Variants in SNTG2 observed in about 807,000 individuals in gnomAD.
SNTG2 encodes syntrophin gamma 2.
Under a neutral mutation model 70.9 loss-of-function variants are expected in SNTG2, and 74 were observed. The observed-to-expected ratio is 1.04, with a 90% CI of 0.86 to 1.27. The LOEUF is 1.27. Ranked by LOEUF, SNTG2 falls within the 50% of genes most tolerant of loss-of-function variation. SNTG2 has a pLI of 0.00. For synonymous variants in SNTG2, 278 were observed against 273.8 expected (o/e 1.02, Z -0.15); for missense variants, 717 against 690.7 (o/e 1.04, Z -0.43).
At chr2:1,127,351 G>A (rs1190760147) in intron 4 of SNTG2, among the ~76,000 whole-genome samples, 1 of 151,916 alleles carries the variant, frequency 6.6e-6, no homozygotes, top group Non-Finnish European at 1.5e-5. Flanking sequence ...ACGTTGCTTT[G>A]GTTACTATAG....
At chr2:1,065,086 C>T (rs115347362) in intron 1 of SNTG2, among the ~76,000 whole-genome samples, 5 of 152,122 alleles carry the variant, frequency 3.3e-5, no homozygotes, top group Admixed American at 6.5e-5. Context: ...GTTGGTTACA[C>T]GTCAGCTGGA....
chr2:1,358,709 G>A (rs9751777), intron 16 of SNTG2, among the ~76,000 whole-genome samples: 109,715 of 152,016 alleles, frequency 0.72, 39,894 homozygotes, highest in East Asian at 0.94. Context: ...TGTAGTTGAA[G>A]AAGATACTAG....
chr2:1,168,218 AGGCCGCCC>A (rs1670878124), intron 7 of SNTG2, among the ~76,000 whole-genome samples: 1 of 128,308 alleles, frequency 7.8e-6, no homozygotes. Flanking sequence ...TGAAGCCTAC[AGGCCGCCC>A]ACAGACGGCA....
chr2:1,234,998 G>A (rs796814453), intron 9 of SNTG2, among the ~76,000 whole-genome samples: 22 of 152,232 alleles, frequency 1.4e-4, no homozygotes, highest in African/African-American at 5.1e-4. Flanking sequence ...TCCCTGAGAA[G>A]ACACTGTCGT....
intron 4 of SNTG2, among the ~76,000 whole-genome samples, chr2:1,137,273 C>A (rs1351851687): frequency 2.6e-5 from 4 of 151,934 alleles, no homozygotes; most frequent in Non-Finnish European, 4.4e-5. Flanking sequence ...ATGCCGCCCA[C>A]ACCCACGCAT....
chr2:1,315,057 C>T (rs1429305674), intron 15 of SNTG2, among the ~76,000 whole-genome samples: 1 of 152,182 alleles, frequency 6.6e-6, no homozygotes, highest in Non-Finnish European at 1.5e-5. Context: ...TATTCTCTTT[C>T]TAGATAGTGT....
chr2:1,126,362 A>G (rs1442085584), intron 4 of SNTG2, among the ~76,000 whole-genome samples: 1 of 152,210 alleles, frequency 6.6e-6, no homozygotes. Context: ...TATATACACC[A>G]CGTTGTCTTT....
intron 15 of SNTG2, among the ~76,000 whole-genome samples, chr2:1,314,917 G>A (rs1156287592): frequency 6.6e-6 from 1 of 152,116 alleles, no homozygotes; most frequent in African/African-American, 2.4e-5. Context: ...AACAGCATGG[G>A]AAAGACCTGC....
At chr2:1,025,978 C>CCCAGGA (rs1426928916) in intron 1 of SNTG2, among the ~76,000 whole-genome samples, 1 of 152,140 alleles carries the variant, frequency 6.6e-6, no homozygotes, top group East Asian at 1.9e-4. Flanking sequence ...AGTTGTTAAG[C>CCCAGGA]CCAGGAGTTT....
chr2:1,008,781 T>G (rs1659642834), intron 1 of SNTG2, among the ~76,000 whole-genome samples: 1 of 152,190 alleles, frequency 6.6e-6, no homozygotes, highest in Non-Finnish European at 1.5e-5. Flanking sequence ...TCCATAAAAA[T>G]AAATACAAGT....
chr2:1,067,426 C>A (rs1483274910), intron 1 of SNTG2, among the ~76,000 whole-genome samples: 5 of 152,214 alleles, frequency 3.3e-5, no homozygotes, highest in African/African-American at 1.2e-4. Context: ...ACTTATGCTT[C>A]TGTGGAACTA....
intron 1 of SNTG2, among the ~76,000 whole-genome samples, chr2:1,071,465 C>T (rs2148137964): frequency 7.6e-6 from 1 of 132,348 alleles, no homozygotes; most frequent in East Asian, 2.3e-4. Context: ...ATCACATGGA[C>T]ACAGGAAGGG....
intron 4 of SNTG2, among the ~76,000 whole-genome samples, chr2:1,136,243 G>T (rs150734162): frequency 4.4e-4 from 67 of 152,008 alleles, no homozygotes; most frequent in African/African-American, 1.4e-3. Flanking sequence ...ATGTTTTCAG[G>T]ATGCAGCCTA....
intron 12 of SNTG2, among the ~76,000 whole-genome samples, chr2:1,255,907 AATATATAT>A (rs1221270238): frequency 1.6e-5 from 1 of 64,376 alleles, no homozygotes; most frequent in Non-Finnish European, 2.8e-5. Context: ...TATATATATA[AATATATAT>A]ATAAATATAT....
intron 12 of SNTG2, among the ~76,000 whole-genome samples, chr2:1,257,917 A>G (rs1391801974): frequency 2.0e-5 from 3 of 152,242 alleles, no homozygotes; most frequent in Admixed American, 1.3e-4. Context: ...CAACAAGTAA[A>G]CTTGGGAAGA....
chr2:1,320,806 T>C (rs1572978272), intron 16 of SNTG2, among the ~76,000 whole-genome samples: 1 of 152,210 alleles, frequency 6.6e-6, no homozygotes, highest in African/African-American at 2.4e-5. Context: ...AGACATAGCT[T>C]GGCGCTCACT....
chr2:1,112,052 C>T (rs1396828581), intron 4 of SNTG2, among the ~76,000 whole-genome samples: 2 of 147,426 alleles, frequency 1.4e-5, no homozygotes, highest in African/African-American at 5.0e-5. Flanking sequence ...AGGTTTTACC[C>T]TTACAGTCCT....
chr2:1,204,614 A>G (rs1306717530), intron 8 of SNTG2, among the ~76,000 whole-genome samples: 1 of 152,202 alleles, frequency 6.6e-6, no homozygotes, highest in Non-Finnish European at 1.5e-5. Context: ...CCCTTATCAC[A>G]AGGAGACGGA....
intron 16 of SNTG2, among the ~76,000 whole-genome samples, chr2:1,331,170 GCA>G (rs1402497141): frequency 2.0e-5 from 3 of 152,222 alleles, no homozygotes; most frequent in Non-Finnish European, 4.4e-5. Flanking sequence ...ATCCCCTAGA[GCA>G]CCCATGAGGG....
Sources: allele counts gnomAD v4.1 joint callset (sites outside exome capture counted in the v4.1 genomes callset), GRCh38; gene constraint gnomAD v4.1.1; transcripts MANE v1.5; gene names NCBI Gene and HGNC (gene_info 2026-07-23, HGNC 2026-07-21).